Variants in MAP2K6 observed in about 807,000 individuals in gnomAD.
The protein encoded by MAP2K6 is dual specificity mitogen-activated protein kinase kinase 6.
A neutral mutation model predicts 53.7 loss-of-function variants in MAP2K6; 16 were observed. The ratio of observed to expected loss-of-function variants is 0.30; its 90% CI spans 0.20 to 0.45. MAP2K6 has a LOEUF of 0.45. Ranked by LOEUF, MAP2K6 falls within the 20% of genes least tolerant of loss-of-function variation. MAP2K6 has a pLI of 1.00. For synonymous variants in MAP2K6, 132 were observed against 143.1 expected (o/e 0.92, Z 0.55); for missense variants, 204 against 411.9 (o/e 0.50, Z 4.37).
intron 1 of MAP2K6, among the ~76,000 whole-genome samples, chr17:69,454,310 G>A (rs1005057758): frequency 1.3e-5 from 2 of 152,196 alleles, no homozygotes; most frequent in African/African-American, 2.4e-5. Flanking sequence ...AAAATGATCA[G>A]GGCAGATGTT....
chr17:69,552,663 A>G lies in MAP2K6; in HGVS notation c.*10910A>G, dbSNP rs962960406. 6.6e-6 allele frequency: 1 copy of G among 152,198 alleles called. No homozygotes were observed. The highest frequency in any genetic ancestry group is 1.5e-5 in the Non-Finnish European group (1 of 68,052). The allele number at this position is 152,198 out of a possible 1,614,324, so 9.4% of individuals were successfully genotyped here. A position where few individuals can be genotyped will look rare whatever the true frequency, so the allele number is the denominator to read the frequency against. On this transcript the variant is annotated 3_prime_UTR_variant, in exon 12 of 12. Coordinates refer to ENST00000590474, the MANE Select transcript of MAP2K6 (RefSeq NM_002758.4). ...AGGAAAGAAGGAGTTGGGGGTGTATATCTAACTGTGTTTTTCTATATGGAA... is the reference window on the plus strand; with the variant it reads ...AGGAAAGAAGGAGTTGGGGGTGTATGTCTAACTGTGTTTTTCTATATGGAA...
chr17:69,462,485 G>A (rs1319807458), intron 1 of MAP2K6, among the ~76,000 whole-genome samples: 1 of 152,062 alleles, frequency 6.6e-6, no homozygotes, highest in Non-Finnish European at 1.5e-5. Context: ...CATCTAAGGA[G>A]CTTTAGGTTC....
Position 69,543,901 on chromosome 17 carries a change from C to T in MAP2K6, c.*2148C>T, listed in dbSNP as rs1911771615. The stretch of plus-strand genomic sequence containing the variant: ...AGAGAAAAAGTTAGTCTATGGTTCT[C>T]AACCCTCGTGTACATTGGAACCATC... On this transcript the variant is annotated 3_prime_UTR_variant, in exon 12 of 12. Coordinates refer to ENST00000590474, the MANE Select transcript of MAP2K6 (RefSeq NM_002758.4). 6.6e-6 allele frequency: 1 copy of T among 152,192 alleles called. No homozygotes were observed. Among genetic ancestry groups the T allele is most frequent in the African/African-American group, 2.4e-5 (1 of 41,448 alleles). 9.4% of individuals were successfully genotyped at this position (152,192 alleles called of 1,614,324 possible). A position where few individuals can be genotyped will look rare whatever the true frequency, so the allele number is the denominator to read the frequency against.
chr17:69,518,731 A>G (rs1392857466), intron 4 of MAP2K6, among the ~76,000 whole-genome samples: 1 of 152,194 alleles, frequency 6.6e-6, no homozygotes, highest in Admixed American at 6.5e-5. Context: ...AGTCCCAGTG[A>G]TATTGTATCT....
chr17:69,539,982 G>C (rs12600726), intron 11 of MAP2K6, among the ~76,000 whole-genome samples: 31,265 of 152,088 alleles, frequency 0.21, 3,766 homozygotes, highest in African/African-American at 0.33. Context: ...TGTAAGGATC[G>C]GAGCCAGCAC....
At chr17:69,437,427 G>A (rs549582551) in intron 1 of MAP2K6, among the ~76,000 whole-genome samples, 1 of 152,204 alleles carries the variant, frequency 6.6e-6, no homozygotes, top group Admixed American at 6.5e-5. Context: ...CTGTCTTGGG[G>A]TGGCAGGGGT....
intron 1 of MAP2K6, among the ~76,000 whole-genome samples, chr17:69,497,833 T>G (rs1909004866): frequency 6.6e-6 from 1 of 152,212 alleles, no homozygotes; most frequent in Admixed American, 6.5e-5. Context: ...TTTTAAACTT[T>G]GATTTTGGAA....
chr17:69,431,635 G>A (rs1310155538), intron 1 of MAP2K6, among the ~76,000 whole-genome samples: 2 of 152,206 alleles, frequency 1.3e-5, no homozygotes, highest in African/African-American at 4.8e-5. Context: ...TAGGAGCTAA[G>A]TAAGGCATTC....
chr17:69,455,851 GTTTTTTTTT>G (rs11317793), intron 1 of MAP2K6, among the ~76,000 whole-genome samples: 22 of 95,376 alleles, frequency 2.3e-4, no homozygotes, highest in African/African-American at 9.5e-4. Context: ...TGGACTTTCA[GTTTTTTTTT>G]TTTTTTTTTT....
At chr17:69,535,682 G>A (rs184026518) in intron 10 of MAP2K6, among the ~76,000 whole-genome samples, 6 of 152,290 alleles carry the variant, frequency 3.9e-5, no homozygotes, top group Admixed American at 2.6e-4. Context: ...ATACATTCAT[G>A]GGAAACAGAA....
intron 1 of MAP2K6, among the ~76,000 whole-genome samples, chr17:69,504,302 G>A (rs1466800656): frequency 6.6e-6 from 1 of 151,096 alleles, no homozygotes; most frequent in Non-Finnish European, 1.5e-5. Flanking sequence ...TTGAGACAGA[G>A]TCTTGCACTG....
intron 1 of MAP2K6, among the ~76,000 whole-genome samples, chr17:69,423,243 A>G (rs567366967): frequency 6.6e-6 from 1 of 152,294 alleles, no homozygotes; most frequent in South Asian, 2.1e-4. Context: ...TTTTTAAATG[A>G]TTGAAAAAAA....
intron 10 of MAP2K6, among the ~76,000 whole-genome samples, chr17:69,534,969 T>C (rs1001063614): frequency 6.6e-6 from 1 of 151,962 alleles, no homozygotes; most frequent in African/African-American, 2.4e-5. Context: ...CTTTTCTTTC[T>C]TTCTTTTTCT....
At chr17:69,525,117 G>A (rs1020574011) in intron 9 of MAP2K6, 139 bp downstream of exon 9, 4 of 586,604 alleles carry the variant, frequency 6.8e-6, no homozygotes, top group Non-Finnish European at 1.2e-5. Context: ...GAGATTTTGA[G>A]TAATAATTGT....
chr17:69,452,325 T>C (rs1362162428), intron 1 of MAP2K6, among the ~76,000 whole-genome samples: 2 of 151,964 alleles, frequency 1.3e-5, no homozygotes, highest in East Asian at 3.9e-4. Context: ...CATTCTGCCC[T>C]AATGATATTA....
At chr17:69,520,901 C>T (rs565511915) in intron 6 of MAP2K6, 148 bp from the exon 7 acceptor site, 5 of 571,922 alleles carry the variant, frequency 8.7e-6, no homozygotes, top group African/African-American at 3.8e-5. Flanking sequence ...GTGTAACTTC[C>T]TATGTATTTT....
At chr17:69,516,440 C>T (rs534410102) in intron 2 of MAP2K6, among the ~76,000 whole-genome samples, 3 of 152,262 alleles carry the variant, frequency 2.0e-5, no homozygotes, top group Middle Eastern at 3.4e-3. Flanking sequence ...CTCTCCTTCA[C>T]CCACCACTCA....
chr17:69,435,972 A>G (rs552046517), intron 1 of MAP2K6, among the ~76,000 whole-genome samples: 1 of 152,180 alleles, frequency 6.6e-6, no homozygotes, highest in East Asian at 1.9e-4. Context: ...CCAGCCGAAA[A>G]AACAATAATT....
intron 1 of MAP2K6, among the ~76,000 whole-genome samples, chr17:69,480,364 G>A (rs1034368711): frequency 5.9e-5 from 9 of 152,110 alleles, no homozygotes; most frequent in African/African-American, 2.2e-4. Context: ...TTGCCACTTG[G>A]CAAGCACGGG....
Sources: gnomAD v4.1 joint callset for allele counts (sites outside exome capture counted in the v4.1 genomes callset) on GRCh38, gnomAD v4.1.1 for gene constraint, MANE v1.5 for transcripts, NCBI Gene and HGNC (gene_info 2026-07-23, HGNC 2026-07-21) for gene names.